Variants in CACNB2 observed in about 807,000 individuals in gnomAD.
CACNB2 encodes the protein voltage-dependent L-type calcium channel subunit beta-2.
Under a neutral mutation model 73.3 loss-of-function variants are expected in CACNB2, and 42 were observed. The observed-to-expected ratio is 0.57, with a 90% CI of 0.45 to 0.74. The LOEUF is 0.74. CACNB2 is among the 30% of genes least tolerant of loss of function. The pLI is 0.00. For missense variants in CACNB2, 940 were observed against 853.0 expected (o/e 1.10, Z -1.27); for synonymous variants, 348 against 310.3 (o/e 1.12, Z -1.28).
chr10:18,149,488 T>G (rs565279074), intron 1 of CACNB2, among the ~76,000 whole-genome samples: 35 of 152,310 alleles, frequency 2.3e-4, no homozygotes, highest in African/African-American at 7.5e-4. Context: ...ATACTCTGAA[T>G]AGAACAAACA....
intron 2 of CACNB2, chr10:18,261,421 A>G (rs2037537514): frequency 6.9e-7 from 1 of 1,453,680 alleles, no homozygotes; most frequent in Non-Finnish European, 9.4e-7. Context: ...CCTGTGCTGA[A>G]CCAACCAGAC....
intron 2 of CACNB2, among the ~76,000 whole-genome samples, chr10:18,379,600 C>T (rs1009021517): frequency 1.3e-5 from 2 of 152,166 alleles, no homozygotes; most frequent in African/African-American, 2.4e-5. Context: ...ATTTCCAGAA[C>T]ATTTTCGTCT....
chr10:18,267,264 A>G (rs899277136), intron 2 of CACNB2, among the ~76,000 whole-genome samples: 43 of 152,156 alleles, frequency 2.8e-4, no homozygotes, highest in Admixed American at 2.6e-3. Context: ...TCAGAACTTT[A>G]AATTTGGCTT....
chr10:18,454,877 C>CA (rs2047199012), intron 3 of CACNB2, among the ~76,000 whole-genome samples: 1 of 151,894 alleles, frequency 6.6e-6, no homozygotes, highest in East Asian at 1.9e-4. Flanking sequence ...CCCCCCGCTA[C>CA]AAAAAAATTA....
At chr10:18,326,647 G>T (rs564359875) in intron 2 of CACNB2, among the ~76,000 whole-genome samples, 6 of 152,128 alleles carry the variant, frequency 3.9e-5, no homozygotes, top group Admixed American at 1.3e-4. Context: ...CTTTTCTTTG[G>T]AATATGACAG....
intron 2 of CACNB2, among the ~76,000 whole-genome samples, chr10:18,188,727 G>A (rs777488178): frequency 9.9e-5 from 15 of 152,018 alleles, no homozygotes; most frequent in South Asian, 2.1e-4. Flanking sequence ...AAATCATCTC[G>A]TTATAGCACA....
At chr10:18,166,404 T>A (rs2032855839) in intron 2 of CACNB2, among the ~76,000 whole-genome samples, 1 of 152,066 alleles carries the variant, frequency 6.6e-6, no homozygotes, top group East Asian at 1.9e-4. Flanking sequence ...TACAGGCGTG[T>A]GTCACCATGT....
At chr10:18,517,014 T>G (rs2133149543) in intron 7 of CACNB2, among the ~76,000 whole-genome samples, 1 of 152,332 alleles carries the variant, frequency 6.6e-6, no homozygotes, top group East Asian at 1.9e-4. Flanking sequence ...TTTTTAATTC[T>G]CCCCTGAGGC....
At chr10:18,251,013 G>C (rs970414239) in intron 2 of CACNB2, among the ~76,000 whole-genome samples, 3 of 152,176 alleles carry the variant, frequency 2.0e-5, no homozygotes, top group Non-Finnish European at 4.4e-5. Context: ...CAGCTTTGTT[G>C]GTAAATGATA....
intron 2 of CACNB2, among the ~76,000 whole-genome samples, chr10:18,183,746 A>G (rs930457223): frequency 1.3e-5 from 2 of 152,202 alleles, no homozygotes; most frequent in Admixed American, 1.3e-4. Flanking sequence ...GCCAAACCGT[A>G]TCAGCCACAT....
intron 3 of CACNB2, among the ~76,000 whole-genome samples, chr10:18,482,081 A>T (rs948172335): frequency 2.6e-5 from 4 of 151,760 alleles, no homozygotes; most frequent in African/African-American, 9.7e-5. Context: ...TTTAGTAGAG[A>T]TGGGGTTTTG....
intron 2 of CACNB2, among the ~76,000 whole-genome samples, chr10:18,319,032 G>A (rs1232498289): frequency 5.3e-5 from 8 of 152,106 alleles, no homozygotes; most frequent in African/African-American, 1.2e-4. Flanking sequence ...TGTGGAAGAC[G>A]ATGTGGGAAT....
intron 2 of CACNB2, among the ~76,000 whole-genome samples, chr10:18,395,821 A>G (rs1317208969): frequency 1.3e-5 from 2 of 152,214 alleles, no homozygotes; most frequent in African/African-American, 2.4e-5. Context: ...TCATCATCGT[A>G]TGAATTTGAA....
chr10:18,445,517 T>C (rs2046688639), intron 3 of CACNB2, among the ~76,000 whole-genome samples: 1 of 152,178 alleles, frequency 6.6e-6, no homozygotes, highest in African/African-American at 2.4e-5. Context: ...ATTTCCGAGG[T>C]ACGTAATGTG....
At chr10:18,216,967 A>C (rs1389683170) in intron 2 of CACNB2, among the ~76,000 whole-genome samples, 1 of 152,230 alleles carries the variant, frequency 6.6e-6, no homozygotes, top group Non-Finnish European at 1.5e-5. Context: ...ACTATTTTCT[A>C]GCAATAACCC....
At chr10:18,458,430 G>A (rs964059573) in intron 3 of CACNB2, among the ~76,000 whole-genome samples, 14 of 152,150 alleles carry the variant, frequency 9.2e-5, no homozygotes, top group Admixed American at 2.0e-4. Flanking sequence ...TGGGAATTGT[G>A]TCTGTTTCAT....
chr10:18,330,705 G>C (rs2040765169), intron 2 of CACNB2, among the ~76,000 whole-genome samples: 1 of 151,672 alleles, frequency 6.6e-6, no homozygotes, highest in Non-Finnish European at 1.5e-5. Flanking sequence ...GTCTTGCTCT[G>C]TTGCCCAGGC....
In CACNB2 at chr10:18,272,108, C is replaced by G. The variant is rs2038079098; in HGVS notation, c.213+121133C>G. On this transcript the variant is annotated intron_variant, in intron 2 of 13. Transcript: ENST00000324631. ...TCCCCAGAGTGTCCCATTGACTTCTCTATGGTAGTTTCATTATTGGGTGAA... is the reference window on the plus strand; with the variant it reads ...TCCCCAGAGTGTCCCATTGACTTCTGTATGGTAGTTTCATTATTGGGTGAA... 2.0e-5 allele frequency among the ~76,000 whole-genome samples: 3 copies of G among 151,806 alleles called. No individual in the cohort carries two copies. In the South Asian group the frequency reaches 6.2e-4, roughly 32 times the overall value.
At chr10:18,146,220 G>A (rs151260991) in intron 1 of CACNB2, among the ~76,000 whole-genome samples, 3,185 of 151,392 alleles carry the variant, frequency 0.021, 51 homozygotes, top group Middle Eastern at 0.028. Flanking sequence ...TTTTGGCTTT[G>A]TTTGTTTTAG....
Sources: allele counts gnomAD v4.1 joint callset (sites outside exome capture counted in the v4.1 genomes callset), GRCh38; gene constraint gnomAD v4.1.1; transcripts MANE v1.5; gene names NCBI Gene and HGNC (gene_info 2026-07-23, HGNC 2026-07-21).